The following FAM110A variants were observed in gnomAD, a reference collection of about 807,000 sequenced individuals.
FAM110A encodes the protein protein FAM110A.
A neutral mutation model predicts 4.0 loss-of-function variants in FAM110A; 1 was observed. That is an observed-to-expected ratio of 0.25 (90% CI 0.09 to 1.20). The LOEUF (loss-of-function observed/expected upper bound fraction) is 1.20. FAM110A is among the 50% of genes most tolerant of loss of function. The probability of loss-of-function intolerance (pLI) is 0.50; values close to 1 mark genes in which losing one functional copy is unlikely to be tolerated. For synonymous variants in FAM110A, 217 were observed against 196.8 expected (o/e 1.10, Z -0.86); for missense variants, 436 against 429.2 (o/e 1.02, Z -0.14).
rs1980318461 is a variant in FAM110A at position 845,793 on chromosome 20, T to G, written c.*101T>G. 1.3e-6 allele frequency: 2 copies of G among 1,526,640 alleles called. No homozygotes were observed. Among genetic ancestry groups the G allele is most frequent in the Non-Finnish European group, 1.8e-6 (2 of 1,137,132 alleles). 94.6% of individuals were successfully genotyped at this position (1,526,640 alleles called of 1,614,324 possible). On this transcript the variant is annotated 3_prime_UTR_variant, in exon 2 of 2. Transcript: ENST00000381941. ...TTCTCTAGACGGCCGTGTCAGAGGC[T>G]CCACCCTGTTGTGAACTTGGTATGG...
Position 845,559 on chromosome 20 carries a change from G to A in FAM110A, c.755G>A (p.Ser252Asn), listed in dbSNP as rs1211621214. ...TCTGAAGGGGGCTGCTCCCGCCGCA[G>A]CTCGGTGACTGTTGAGGAGCGGGCC... ...GSSEGGCSRR[S>N]SVTVEERARE... Residue 252 changes from serine to asparagine, a missense_variant, in exon 2 of 2, where the codon AGC becomes AAC. By Grantham distance (46) the Ser-to-Asn change is conservative. Coordinates refer to ENST00000381941, the MANE Select transcript of FAM110A (RefSeq NM_001042353.3). 6 of 1,613,696 alleles carry A rather than the reference G, an allele frequency of 3.7e-6. No homozygotes were observed. The highest frequency in any genetic ancestry group is 5.1e-6 in the Non-Finnish European group (6 of 1,179,910).
chr20:839,694 T>G (rs1175964902), intron 1 of FAM110A: 3 of 1,237,952 alleles, frequency 2.4e-6, no homozygotes, highest in African/African-American at 1.5e-5. Flanking sequence ...CGGGGGCAGA[T>G]GTAGGGTGGC....
Position 835,200 on chromosome 20 carries a change from C to CTATATA in FAM110A, c.-98+1258_-98+1263dup, listed in dbSNP as rs1555787560. Among the ~76,000 whole-genome samples the CTATATA allele has an allele frequency of 4.0e-3, 562 of 140,486 alleles. 5 individuals are homozygous for CTATATA. The highest frequency in any genetic ancestry group is 8.3e-3 in the African/African-American group (308 of 37,164). The allele number at this position is 140,486 out of a possible 152,430, so 92.2% of individuals were successfully genotyped here. The stretch of plus-strand genomic sequence containing the variant: ...TCTCTCTCTCTCTCTCTCTCTCTCT[C>CTATATA]TATATATATATATACACACACACAT... On this transcript the variant is annotated intron_variant, in intron 1 of 1. Transcript: ENST00000381941.
chr20:842,450 G>A (rs1396863065), intron 1 of FAM110A, among the ~76,000 whole-genome samples: 1 of 152,206 alleles, frequency 6.6e-6, no homozygotes, highest in Non-Finnish European at 1.5e-5. Context: ...GCGGCCTGGG[G>A]GTGGGGCAGA....
chr20:838,259 G>T (rs2122657697), intron 1 of FAM110A, among the ~76,000 whole-genome samples: 1 of 152,354 alleles, frequency 6.6e-6, no homozygotes, highest in East Asian at 1.9e-4. Context: ...ATTCTTGACA[G>T]ATATGTTTAA....
intron 1 of FAM110A, among the ~76,000 whole-genome samples, chr20:842,335 G>A (rs1979975634): frequency 6.6e-6 from 1 of 152,232 alleles, no homozygotes; most frequent in African/African-American, 2.4e-5. Flanking sequence ...CGTGCACGGG[G>A]TTTCTGCCCC....
In FAM110A at chr20:845,038, C is replaced by T; in HGVS notation, c.234C>T (p.Ser78=). 1 of 1,592,714 alleles carries T rather than the reference C, an allele frequency of 6.3e-7. No homozygotes were observed. The highest frequency in any genetic ancestry group is 8.5e-7 in the Non-Finnish European group (1 of 1,170,520). Residue 78 remains serine (S), a synonymous_variant, in exon 2 of 2, where the codon AGC becomes AGT. Coordinates refer to ENST00000381941, the MANE Select transcript of FAM110A (RefSeq NM_001042353.3). The part of the protein sequence containing the change: ...QPLLSKQPLF[S]PETRRTVLTP... ...TGCTGTCCAAACAGCCGCTCTTTAGCCCTGAGACTCGCCGCACAGTGCTCA... is the reference window on the plus strand; with the variant it reads ...TGCTGTCCAAACAGCCGCTCTTTAGTCCTGAGACTCGCCGCACAGTGCTCA...
intron 1 of FAM110A, chr20:839,419 A>T (rs1600006618): frequency 3.1e-6 from 2 of 655,356 alleles, no homozygotes; most frequent in Admixed American, 2.0e-5. Flanking sequence ...CTGTAAGTTT[A>T]TTCAATGTGA....
In FAM110A at chr20:845,159, T is replaced by C. The variant is rs1007560272; in HGVS notation, c.355T>C (p.Ser119Pro). 1.3e-6 allele frequency: 2 copies of C among 1,569,202 alleles called. No homozygotes were observed. Among genetic ancestry groups the C allele is most frequent in the African/African-American group, 1.4e-5 (1 of 73,534 alleles). Residue 119 changes from serine (S) to proline (P), a missense_variant, in exon 2 of 2, where the codon TCC becomes CCC. Ser to Pro is a moderately conservative substitution (Grantham distance 74, BLOSUM62 -1). Transcript: ENST00000381941. Reference protein sequence around the residue: ...SLIDLCDSPVSPAEASRTPGR... With the variant: ...SLIDLCDSPVPPAEASRTPGR... ...CATCGACTTGTGTGACAGCCCCGTG[T>C]CCCCTGCCGAGGCCAGCCGCACTCC...
chr20:835,453 C>T (rs532714464), intron 1 of FAM110A, among the ~76,000 whole-genome samples: 1 of 151,916 alleles, frequency 6.6e-6, no homozygotes, highest in East Asian at 1.9e-4. Context: ...TGTGGATCTG[C>T]CTCCCCCTCC....
intron 1 of FAM110A, chr20:841,148 C>G (rs1184718279): frequency 6.6e-6 from 1 of 152,232 alleles, no homozygotes. Flanking sequence ...TGCCGGCGGC[C>G]GGGGCTCGGG....
Position 845,504 on chromosome 20 carries a change from C to T in FAM110A, c.700C>T (p.Leu234=). ...LARASSDIVS[L]AGPSAGPGSS... The stretch of plus-strand genomic sequence containing the variant: ...ACGGGCCAGCTCGGATATCGTGTCC[C>T]TGGCAGGGCCCAGTGCTGGGCCGGG... The change falls in exon 2 of 2, where the codon CTG becomes TTG. Residue 234 remains leucine, a synonymous_variant. Transcript: ENST00000381941. 6.2e-7 allele frequency: 1 copy of T among 1,612,274 alleles called. No individual in the cohort carries two copies. The highest frequency in any genetic ancestry group is 1.1e-5 in the South Asian group (1 of 90,906).
intron 1 of FAM110A, among the ~76,000 whole-genome samples, chr20:842,512 G>A (rs7268898): frequency 0.033 from 4,948 of 152,212 alleles, 225 homozygotes; most frequent in African/African-American, 0.092. Context: ...CCCACCTGAG[G>A]TCTCCTGGGG....
At position 840,505 on chromosome 20, in the gene FAM110A, C is replaced by A. The variant is rs1979828421; in HGVS notation, c.-97-4203C>A. Reference sequence around the variant, plus strand: ...GAATTCCTTCCTGCAGGGCTGCAGTCTCATGGGATTAAATGAGGGGGCTCT... The same window carrying A: ...GAATTCCTTCCTGCAGGGCTGCAGTATCATGGGATTAAATGAGGGGGCTCT... On this transcript the variant is annotated intron_variant, in intron 1 of 1. Transcript: ENST00000381941. This position sits in a 1 kb window ranked among gnomAD's most constrained non-coding sequence, Gnocchi z 4.4. 6.6e-6 allele frequency among the ~76,000 whole-genome samples: 1 copy of A among 152,222 alleles called. No individual in the cohort carries two copies. Among genetic ancestry groups the A allele is most frequent in the South Asian group, 2.1e-4 (1 of 4,830 alleles).
intron 1 of FAM110A, among the ~76,000 whole-genome samples, chr20:837,628 T>G (rs2122654700): frequency 6.6e-6 from 1 of 152,296 alleles, no homozygotes; most frequent in South Asian, 2.1e-4. Flanking sequence ...AGCTAATCAT[T>G]GGTGGAGCTA....
rs1568790814 is a variant in FAM110A at position 844,966 on chromosome 20, CA to C, written c.164del (p.Lys55ArgfsTer137). ...TGGAGGCCGACAAGGCCAAGTACGT[CA>C]AGAGCCTGCACGTGGCCAACACCCG... ...RLEADKAKYV[K>X]SLHVANTRQE... is the part of the protein sequence containing the mutation. On this transcript the variant is annotated frameshift_variant, in exon 2 of 2. Transcript: ENST00000381941. LOFTEE classifies it high-confidence loss of function. The C allele has an allele frequency of 1.3e-6, 2 of 1,595,152 alleles. No homozygotes were observed. Among genetic ancestry groups the C allele is most frequent in the African/African-American group, 2.7e-5 (2 of 74,526 alleles).
In FAM110A at chr20:834,821, C is replaced by G. The variant is rs1979486283; in HGVS notation, c.-98+870C>G. On this transcript the variant is annotated intron_variant, in intron 1 of 1. Transcript: ENST00000381941. The surrounding 1 kb of genome is among the most constrained non-coding windows in gnomAD (Gnocchi z 5.6). ...CTTCAATCTCTTCATAAGGGAGTTA[C>G]ATATCCTCTCTCCTCTGGAGCCTGC... Among the ~76,000 whole-genome samples the G allele has an allele frequency of 6.6e-6, 1 of 152,192 alleles. No individual in the cohort carries two copies. The highest frequency in any genetic ancestry group is 2.1e-4 in the South Asian group (1 of 4,834).
At chr20:843,150 G>C (rs887836835) in intron 1 of FAM110A, among the ~76,000 whole-genome samples, 1 of 152,152 alleles carries the variant, frequency 6.6e-6, no homozygotes, top group Non-Finnish European at 1.5e-5. Flanking sequence ...GAAACAGGAC[G>C]TGGTATTGAG....
Position 845,275 on chromosome 20 carries a change from C to T in FAM110A, c.471C>T (p.Arg157=). Residue 157 remains arginine (R), a synonymous_variant, in exon 2 of 2, where the codon CGC becomes CGT. Coordinates refer to ENST00000381941, the MANE Select transcript of FAM110A (RefSeq NM_001042353.3). ...STSAVRRVDV[R]PLPASPARPC... is the part of the protein sequence containing the mutation. ...CTGCGGTCCGCCGGGTGGACGTCCG[C>T]CCCCTGCCCGCCTCGCCTGCCCGGC... is the stretch of plus-strand genomic sequence containing the variant. 1 of 1,498,894 alleles carries T rather than the reference C, an allele frequency of 6.7e-7. No individual in the cohort carries two copies. The highest frequency in any genetic ancestry group is 2.4e-5 in the Admixed American group (1 of 41,782). 92.8% of individuals were successfully genotyped at this position (1,498,894 alleles called of 1,614,324 possible). A position where few individuals can be genotyped will look rare whatever the true frequency, so the allele number is the denominator to read the frequency against.
Sources: gnomAD v4.1 joint callset for allele counts (sites outside exome capture counted in the v4.1 genomes callset) on GRCh38, gnomAD v4.1.1 for gene constraint, Gnocchi (gnomAD v3.1) non-coding constraint, MANE v1.5 for transcripts, NCBI Gene and HGNC (gene_info 2026-07-23, HGNC 2026-07-21) for gene names.